Variants in DPYD observed in about 807,000 individuals in gnomAD.
The protein encoded by DPYD is dihydropyrimidine dehydrogenase.
A neutral mutation model predicts 116.2 loss-of-function variants in DPYD; 109 were observed. That is an observed-to-expected ratio of 0.94 (90% CI 0.80 to 1.10). The LOEUF (loss-of-function observed/expected upper bound fraction) is 1.10. DPYD is among the 50% of genes least tolerant of loss of function. The probability of loss-of-function intolerance (pLI) is 0.00; values close to 1 mark genes in which losing one functional copy is unlikely to be tolerated. For synonymous variants in DPYD, 440 were observed against 432.0 expected (o/e 1.02, Z -0.23); for missense variants, 1,302 against 1,254.5 (o/e 1.04, Z -0.57).
chr1:97,180,003 C>T (rs939335292), intron 20 of DPYD, among the ~76,000 whole-genome samples: 18 of 152,112 alleles, frequency 1.2e-4, no homozygotes, highest in African/African-American at 2.9e-4. Flanking sequence ...TTCAGGGCAA[C>T]TGAAGATATC....
intron 16 of DPYD, among the ~76,000 whole-genome samples, chr1:97,359,439 A>C (rs1181671276): frequency 6.6e-6 from 1 of 152,166 alleles, no homozygotes; most frequent in African/African-American, 2.4e-5. Flanking sequence ...CCAACATTCA[A>C]ATTCAGGAAA....
chr1:97,879,691 A>T (rs1672089117), intron 2 of DPYD, among the ~76,000 whole-genome samples: 1 of 151,974 alleles, frequency 6.6e-6, no homozygotes, highest in African/African-American at 2.4e-5. Flanking sequence ...ATAATTTCAG[A>T]ACTGCCATTC....
intron 3 of DPYD, among the ~76,000 whole-genome samples, chr1:97,772,905 T>C (rs185470700): frequency 1.3e-5 from 2 of 152,364 alleles, no homozygotes; most frequent in East Asian, 3.9e-4. Flanking sequence ...AGAGGATGGA[T>C]GGTCTCTGAT....
intron 10 of DPYD, among the ~76,000 whole-genome samples, chr1:97,591,346 G>T (rs1179503699): frequency 6.6e-6 from 1 of 151,936 alleles, no homozygotes; most frequent in Non-Finnish European, 1.5e-5. Context: ...TAATTATTGG[G>T]TATCTTCTGT....
At chr1:97,344,805 A>C (rs78927925) in intron 16 of DPYD, among the ~76,000 whole-genome samples, 2,048 of 151,994 alleles carry the variant, frequency 0.013, 51 homozygotes, top group African/African-American at 0.047. Context: ...TACATGAAAC[A>C]TGTTTATGCA....
chr1:97,886,134 A>T (rs1202636315), intron 1 of DPYD, among the ~76,000 whole-genome samples: 2 of 152,114 alleles, frequency 1.3e-5, no homozygotes, highest in Non-Finnish European at 2.9e-5. Context: ...TGGTAAAAGG[A>T]GTGAAGGTCT....
chr1:97,917,341 A>T (rs973804174), intron 1 of DPYD, among the ~76,000 whole-genome samples: 7 of 152,010 alleles, frequency 4.6e-5, no homozygotes, highest in African/African-American at 1.7e-4. Context: ...TGTTCTGAAA[A>T]TTTTTTTGCC....
intron 19 of DPYD, among the ~76,000 whole-genome samples, chr1:97,229,213 A>G (rs1052426300): frequency 2.8e-5 from 4 of 142,882 alleles, no homozygotes; most frequent in Admixed American, 2.7e-4. Context: ...CAAAAAAAAA[A>G]AAAAAAGAAA....
intron 2 of DPYD, among the ~76,000 whole-genome samples, chr1:97,857,197 T>C (rs1008607624): frequency 6.6e-6 from 1 of 152,152 alleles, no homozygotes; most frequent in African/African-American, 2.4e-5. Context: ...TCATGGAGTA[T>C]ATGTCTTAAA....
intron 3 of DPYD, among the ~76,000 whole-genome samples, chr1:97,740,800 A>G (rs1004140101): frequency 6.6e-6 from 1 of 152,172 alleles, no homozygotes; most frequent in Non-Finnish European, 1.5e-5. Flanking sequence ...CACTATGCTG[A>G]CAATACTTGC....
intron 20 of DPYD, among the ~76,000 whole-genome samples, chr1:97,119,967 C>T (rs1475351985): frequency 6.6e-6 from 1 of 152,124 alleles, no homozygotes; most frequent in Non-Finnish European, 1.5e-5. Flanking sequence ...CTCATCCACA[C>T]AAAAGCTAAA....
chr1:97,920,771 C>A (rs527391277), intron 1 of DPYD, 113 bp downstream of exon 1: 2 of 1,435,312 alleles, frequency 1.4e-6, no homozygotes, highest in East Asian at 5.0e-5. Context: ...GGGAAACTTT[C>A]CCGCGTCTCT....
chr1:97,853,274 T>A (rs1318584072), intron 2 of DPYD, among the ~76,000 whole-genome samples: 1 of 152,342 alleles, frequency 6.6e-6, no homozygotes, highest in East Asian at 1.9e-4. Flanking sequence ...AATTATTGAT[T>A]TATATTTAAA....
At chr1:97,885,282 A>G (rs898033469) in intron 1 of DPYD, among the ~76,000 whole-genome samples, 4 of 152,092 alleles carry the variant, frequency 2.6e-5, no homozygotes, top group African/African-American at 9.7e-5. Flanking sequence ...GAACTATCAA[A>G]AAGACCACAA....
rs191392000 is a variant in DPYD, at chr1:97,323,415, C to T, written c.2059-17118G>A. Among the ~76,000 whole-genome samples the T allele has an allele frequency of 8.2e-4, 70 of 85,882 alleles. 3 individuals are homozygous for T. The highest frequency in any genetic ancestry group is 7.9e-3 in the South Asian group (26 of 3,310). 56.3% of individuals were successfully genotyped at this position (85,882 alleles called of 152,430 possible). On this transcript the variant is annotated intron_variant, in intron 16 of 22. Transcript: ENST00000370192. ...ATGTATACATATGTGTATATGTACA[C>T]GTATATATACATATGTGTATATGTA...
chr1:97,878,231 T>C, intron 2 of DPYD, among the ~76,000 whole-genome samples: 1 of 151,768 alleles, frequency 6.6e-6, no homozygotes, highest in East Asian at 2.0e-4. Flanking sequence ...TTATTATTGT[T>C]TTTCTAGATT....
chr1:97,685,878 T>C (rs1295243770), intron 7 of DPYD, among the ~76,000 whole-genome samples: 2 of 152,124 alleles, frequency 1.3e-5, no homozygotes, highest in Non-Finnish European at 2.9e-5. Flanking sequence ...TGAATAAGAA[T>C]AATTAATATG....
intron 2 of DPYD, among the ~76,000 whole-genome samples, chr1:97,861,836 A>C (rs183044807): frequency 6.6e-6 from 1 of 152,148 alleles, no homozygotes; most frequent in Admixed American, 6.5e-5. Context: ...TTGCTGTGGA[A>C]GTATAAATAG....
At chr1:97,760,506 G>T (rs935644636) in intron 3 of DPYD, among the ~76,000 whole-genome samples, 2 of 152,114 alleles carry the variant, frequency 1.3e-5, no homozygotes, top group Admixed American at 6.6e-5. Context: ...CATTTTTTAG[G>T]TATATGAGTA....
Sources: gnomAD v4.1 joint callset for allele counts (sites outside exome capture counted in the v4.1 genomes callset) on GRCh38, gnomAD v4.1.1 for gene constraint, MANE v1.5 for transcripts, NCBI Gene and HGNC (gene_info 2026-07-23, HGNC 2026-07-21) for gene names.